Variants in NCOA2 observed in about 807,000 individuals in gnomAD.
NCOA2 encodes the protein nuclear receptor coactivator 2, also known as class E basic helix-loop-helix protein 75.
Under a neutral mutation model 145.1 loss-of-function variants are expected in NCOA2, and 21 were observed. That is an observed-to-expected ratio of 0.14 (90% CI 0.10 to 0.21). NCOA2 has a LOEUF of 0.21. Among genes scored for constraint, NCOA2 ranks in the 10% least tolerant of loss-of-function variants. The probability of loss-of-function intolerance (pLI) is 1.00; values close to 1 mark genes in which losing one functional copy is unlikely to be tolerated. For synonymous variants in NCOA2, 619 were observed against 637.5 expected, an observed-to-expected ratio of 0.97 and a Z score of 0.44; for missense variants, 1,472 against 1,837.6, an observed-to-expected ratio of 0.80 and a Z score of 3.64.
chr8:70,231,855 CT>C (rs1216373647), intron 2 of NCOA2, among the ~76,000 whole-genome samples: 1 of 152,154 alleles, frequency 6.6e-6, no homozygotes, highest in Non-Finnish European at 1.5e-5. Flanking sequence ...ATCTATCTTC[CT>C]AAGTTCACCA....
At chr8:70,119,669 T>G (rs941349488) in intron 22 of NCOA2, among the ~76,000 whole-genome samples, 2 of 152,232 alleles carry the variant, frequency 1.3e-5, no homozygotes, top group Non-Finnish European at 2.9e-5. Flanking sequence ...CAACAGTGTA[T>G]GAGAGTTCCC....
At chr8:70,320,614 A>G (rs1237514187) in intron 1 of NCOA2, among the ~76,000 whole-genome samples, 1 of 152,182 alleles carries the variant, frequency 6.6e-6, no homozygotes, top group Non-Finnish European at 1.5e-5. Flanking sequence ...TGAAACTTGC[A>G]AAAGAAATTT....
intron 1 of NCOA2, among the ~76,000 whole-genome samples, chr8:70,320,541 G>T (rs1159165018): frequency 6.6e-6 from 1 of 152,116 alleles, no homozygotes; most frequent in East Asian, 1.9e-4. Flanking sequence ...TAGAGTGACT[G>T]GTTGTTCCAA....
At chr8:70,236,462 C>T (rs1431468304) in intron 2 of NCOA2, among the ~76,000 whole-genome samples, 1 of 152,016 alleles carries the variant, frequency 6.6e-6, no homozygotes, top group Non-Finnish European at 1.5e-5. Context: ...CAGCTCTTAC[C>T]TAAGTTCTTT....
chr8:70,325,770 C>T (rs985354551), intron 1 of NCOA2, among the ~76,000 whole-genome samples: 1 of 152,166 alleles, frequency 6.6e-6, no homozygotes, highest in African/African-American at 2.4e-5. Context: ...TGTTCTTTAT[C>T]GAGGCTAAAA....
chr8:70,272,977 T>A (rs1284014624), intron 2 of NCOA2, among the ~76,000 whole-genome samples: 1 of 152,166 alleles, frequency 6.6e-6, no homozygotes, highest in Non-Finnish European at 1.5e-5. Flanking sequence ...AAATTATACA[T>A]TGTATGTAGC....
chr8:70,332,314 C>T (rs1807183475), intron 1 of NCOA2, among the ~76,000 whole-genome samples: 1 of 152,120 alleles, frequency 6.6e-6, no homozygotes, highest in Non-Finnish European at 1.5e-5. Context: ...ATTAAAATGG[C>T]TACATTTGTA....
At chr8:70,159,242 A>ATTTT (rs763150293) in intron 10 of NCOA2, among the ~76,000 whole-genome samples, 2 of 61,074 alleles carry the variant, frequency 3.3e-5, no homozygotes, top group African/African-American at 1.1e-4. Flanking sequence ...ATATATATAT[A>ATTTT]TTTTTTTTTT....
intron 2 of NCOA2, chr8:70,273,637 T>A: frequency 1.4e-6 from 1 of 731,644 alleles, no homozygotes; most frequent in Non-Finnish European, 2.5e-6. Flanking sequence ...CAGGCTATAC[T>A]GAGACAAAGC....
chr8:70,157,006 C>T lies in NCOA2; in HGVS notation c.1359G>A (p.Met453Ile). 6.2e-7 allele frequency: 1 copy of T among 1,614,080 alleles called. No individual in the cohort carries two copies. The highest frequency in any genetic ancestry group is 8.5e-7 in the Non-Finnish European group (1 of 1,179,902). ...TACTACCCTGAGGAGTGGTTGCTTG[C>T]ATGCCTGACACATGGTTCATTCCCC... is the stretch of plus-strand genomic sequence containing the variant. ...GSGGMNHVSG[M>I]QATTPQGSNY... Residue 453 changes from methionine to isoleucine, a missense_variant, in exon 11 of 23, where the codon ATG becomes ATA. Transcript: ENST00000452400.
intron 4 of NCOA2, among the ~76,000 whole-genome samples, chr8:70,204,119 T>C (rs921779070): frequency 1.3e-5 from 2 of 152,140 alleles, no homozygotes; most frequent in Non-Finnish European, 2.9e-5. Context: ...GCGATTCTTC[T>C]GCCTCAGCCT....
At chr8:70,292,586 C>T (rs1052037351) in intron 2 of NCOA2, among the ~76,000 whole-genome samples, 30 of 150,606 alleles carry the variant, frequency 2.0e-4, no homozygotes, top group Admixed American at 1.7e-3. Context: ...AACCTAAACA[C>T]AATGTAAAAA....
the NCOA2 span, among the ~76,000 whole-genome samples, chr8:70,452,977 T>C: frequency 6.6e-6 from 1 of 152,194 alleles, no homozygotes; most frequent in African/African-American, 2.4e-5. Context: ...TGAAAGTGTT[T>C]GGTTTTGTAT....
chr8:70,307,836 G>A (rs1344320465), intron 1 of NCOA2, among the ~76,000 whole-genome samples: 4 of 152,080 alleles, frequency 2.6e-5, no homozygotes, highest in African/African-American at 4.8e-5. Context: ...AAATCTTATC[G>A]ATTTGGTAGT....
chr8:70,192,567 G>A (rs1816806692), intron 4 of NCOA2, among the ~76,000 whole-genome samples: 1 of 152,204 alleles, frequency 6.6e-6, no homozygotes, highest in Non-Finnish European at 1.5e-5. Flanking sequence ...GTGGAGGCCT[G>A]CAAAGGGAGG....
chr8:70,238,498 G>A (rs1468144827), intron 2 of NCOA2, among the ~76,000 whole-genome samples: 1 of 152,160 alleles, frequency 6.6e-6, no homozygotes, highest in East Asian at 1.9e-4. Flanking sequence ...ACCAAGCTCT[G>A]ACTGCAAATG....
At chr8:70,317,176 A>G (rs1477280373) in intron 1 of NCOA2, among the ~76,000 whole-genome samples, 1 of 152,142 alleles carries the variant, frequency 6.6e-6, no homozygotes, top group African/African-American at 2.4e-5. Context: ...AGAATTCACA[A>G]AGATTTGGAT....
rs1464987267 is a variant in NCOA2 at position 70,112,328 on chromosome 8, T to C, written c.*1304A>G. On this transcript the variant is annotated 3_prime_UTR_variant, in exon 23 of 23. Coordinates refer to ENST00000452400, the MANE Select transcript of NCOA2 (RefSeq NM_006540.4). ...TCATTTTTGAGTCAATTCCACAATA[T>C]GTATACCTCACAAAAATTATACAAT... is the stretch of plus-strand genomic sequence containing the variant. 1 of 194,708 alleles carries C rather than the reference T, an allele frequency of 5.1e-6. No individual in the cohort carries two copies. Among genetic ancestry groups the C allele is most frequent in the Non-Finnish European group, 1.1e-5 (1 of 93,242 alleles). 12.1% of individuals were successfully genotyped at this position (194,708 alleles called of 1,614,324 possible).
At chr8:70,416,856 T>C in the NCOA2 span, among the ~76,000 whole-genome samples, 2 of 152,194 alleles carry the variant, frequency 1.3e-5, no homozygotes, top group Non-Finnish European at 2.9e-5. Context: ...CTCCCAACAC[T>C]ATTGCCTTGG....
Sources: allele counts gnomAD v4.1 joint callset (sites outside exome capture counted in the v4.1 genomes callset), GRCh38; gene constraint gnomAD v4.1.1; transcripts MANE v1.5; gene names NCBI Gene and HGNC (gene_info 2026-07-23, HGNC 2026-07-21).